The following MPPED2 variants were observed in gnomAD, a reference collection of about 807,000 sequenced individuals.
MPPED2 encodes metallophosphoesterase MPPED2.
A neutral mutation model predicts 33.0 loss-of-function variants in MPPED2; 5 were observed. That is an observed-to-expected ratio of 0.15 (90% confidence interval 0.08 to 0.32). The LOEUF (loss-of-function observed/expected upper bound fraction) is 0.32. Among genes scored for constraint, MPPED2 ranks in the 10% least tolerant of loss-of-function variants. The probability of loss-of-function intolerance (pLI) is 1.00; values close to 1 mark genes in which losing one functional copy is unlikely to be tolerated. For synonymous variants in MPPED2, 136 were observed against 141.9 expected (o/e 0.96, Z 0.29); for missense variants, 275 against 372.1 (o/e 0.74, Z 2.15).
At chr11:30,555,682 T>C (rs1955932388) in intron 2 of MPPED2, among the ~76,000 whole-genome samples, 1 of 152,186 alleles carries the variant, frequency 6.6e-6, no homozygotes, top group Non-Finnish European at 1.5e-5. Context: ...TTCTTCACCT[T>C]CTGTCATGAT....
chr11:30,526,578 T>C (rs1264269785), intron 3 of MPPED2, among the ~76,000 whole-genome samples: 2 of 152,184 alleles, frequency 1.3e-5, no homozygotes, highest in African/African-American at 4.8e-5. Context: ...CATATTCTCC[T>C]TTGTAAATCA....
At chr11:30,532,130 G>T (rs992981103) in intron 3 of MPPED2, among the ~76,000 whole-genome samples, 8 of 152,308 alleles carry the variant, frequency 5.3e-5, no homozygotes, top group Admixed American at 4.6e-4. Flanking sequence ...TAATGCAGGG[G>T]TACAGCATCT....
At chr11:30,558,565 G>T (rs1314919725) in intron 2 of MPPED2, among the ~76,000 whole-genome samples, 1 of 150,798 alleles carries the variant, frequency 6.6e-6, no homozygotes, top group East Asian at 1.9e-4. Context: ...ACAAGTATGT[G>T]CCACCACACT....
chr11:30,554,087 G>A, intron 2 of MPPED2, among the ~76,000 whole-genome samples: 1 of 152,130 alleles, frequency 6.6e-6, no homozygotes, highest in East Asian at 1.9e-4. Context: ...TAGAGTCCTT[G>A]GGTACTTTGT....
chr11:30,415,245 A>G (rs1948293011), intron 5 of MPPED2, among the ~76,000 whole-genome samples: 1 of 152,226 alleles, frequency 6.6e-6, no homozygotes, highest in Admixed American at 6.5e-5. Flanking sequence ...CTGTAAAGAC[A>G]TATTCGCTGG....
intron 4 of MPPED2, among the ~76,000 whole-genome samples, chr11:30,430,466 C>CT (rs1211445176): frequency 1.3e-5 from 2 of 152,070 alleles, no homozygotes; most frequent in Non-Finnish European, 2.9e-5. Context: ...TATGTTTTTA[C>CT]TTTTTAATGT....
chr11:30,461,793 C>T (rs1419106429), intron 4 of MPPED2, among the ~76,000 whole-genome samples: 1 of 152,170 alleles, frequency 6.6e-6, no homozygotes, highest in African/African-American at 2.4e-5. Flanking sequence ...CAAAATTCAT[C>T]CTGACAATTT....
At chr11:30,513,113 A>AT (rs967297091) in intron 3 of MPPED2, among the ~76,000 whole-genome samples, 4 of 151,760 alleles carry the variant, frequency 2.6e-5, no homozygotes, top group African/African-American at 7.3e-5. Context: ...ATATTCTTCC[A>AT]TTTTTTCTTT....
chr11:30,418,120 C>T (rs1319137900), intron 4 of MPPED2, among the ~76,000 whole-genome samples: 2 of 152,130 alleles, frequency 1.3e-5, no homozygotes. Context: ...AGGATGAGGG[C>T]TCTGACACAG....
At chr11:30,488,368 C>T (rs1228289504) in intron 4 of MPPED2, among the ~76,000 whole-genome samples, 3 of 152,190 alleles carry the variant, frequency 2.0e-5, no homozygotes, top group African/African-American at 2.4e-5. Flanking sequence ...ATTATGCCAA[C>T]GGTTGCTATG....
At chr11:30,421,327 T>A (rs1948601289) in intron 4 of MPPED2, among the ~76,000 whole-genome samples, 1 of 152,166 alleles carries the variant, frequency 6.6e-6, no homozygotes. Context: ...TGGTCTATAT[T>A]TATAGAGACC....
chr11:30,481,109 C>T (rs1951465884), intron 4 of MPPED2, among the ~76,000 whole-genome samples: 1 of 151,976 alleles, frequency 6.6e-6, no homozygotes, highest in Non-Finnish European at 1.5e-5. Context: ...AATGATATTC[C>T]CACTTTAAGA....
At chr11:30,497,035 C>T (rs1439608248) in intron 3 of MPPED2, among the ~76,000 whole-genome samples, 1 of 152,056 alleles carries the variant, frequency 6.6e-6, no homozygotes, top group Non-Finnish European at 1.5e-5. Flanking sequence ...AACGCTGAGG[C>T]CAAGCAGCAA....
At chr11:30,554,567 T>C (rs1955876172) in intron 2 of MPPED2, among the ~76,000 whole-genome samples, 1 of 150,466 alleles carries the variant, frequency 6.6e-6, no homozygotes, top group Non-Finnish European at 1.5e-5. Flanking sequence ...CCATCTCAGC[T>C]GCAACCTCTG....
chr11:30,426,770 G>C (rs1948856289), intron 4 of MPPED2, among the ~76,000 whole-genome samples: 1 of 152,208 alleles, frequency 6.6e-6, no homozygotes, highest in Non-Finnish European at 1.5e-5. Flanking sequence ...AGAATGATGT[G>C]AAAATTAATC....
chr11:30,467,658 G>C (rs1035193470), intron 4 of MPPED2, among the ~76,000 whole-genome samples: 3 of 152,140 alleles, frequency 2.0e-5, no homozygotes, highest in African/African-American at 7.2e-5. Context: ...CCCACTCCAA[G>C]AGACAAGACT....
At position 30,417,945 on chromosome 11, in the gene MPPED2, C is replaced by A. The variant is rs372299682; in HGVS notation, c.537-312G>T. On this transcript the variant is annotated intron_variant, in intron 4 of 6. Coordinates refer to ENST00000358117, the MANE Select transcript of MPPED2 (RefSeq NM_001584.3). Reference sequence around the variant, plus strand: ...CTAAATCTCAGTGCTTCCTAAGATACCCAGCCCCGATCCAAAGCATTTCCA... The same window carrying A: ...CTAAATCTCAGTGCTTCCTAAGATAACCAGCCCCGATCCAAAGCATTTCCA... Among the ~76,000 whole-genome samples the A allele has an allele frequency of 5.9e-5, 9 of 152,114 alleles. No homozygotes were observed. The East Asian group carries it at 9.7e-4, about 16-fold the overall frequency.
intron 3 of MPPED2, among the ~76,000 whole-genome samples, chr11:30,530,663 G>T (rs116225942): frequency 1.3e-3 from 194 of 152,312 alleles, no homozygotes; most frequent in African/African-American, 4.5e-3. Context: ...ATGGGCATAA[G>T]GGAAAATCAG....
At chr11:30,469,286 T>C (rs1345817691) in intron 4 of MPPED2, among the ~76,000 whole-genome samples, 1 of 152,184 alleles carries the variant, frequency 6.6e-6, no homozygotes, top group Non-Finnish European at 1.5e-5. Flanking sequence ...CTATCTTTTT[T>C]TAATATCAAA....
Sources: allele counts gnomAD v4.1 joint callset (sites outside exome capture counted in the v4.1 genomes callset), GRCh38; gene constraint gnomAD v4.1.1; transcripts MANE v1.5; gene names NCBI Gene and HGNC (gene_info 2026-07-23, HGNC 2026-07-21).